TOX3: variants seen among roughly 807,000 people sequenced by gnomAD.
TOX3 encodes the protein CAG trinucleotide repeat-containing gene F9 protein.
In TOX3, 22 loss-of-function variants were observed where a neutral mutation model predicts 64.3. The observed-to-expected ratio is 0.34, with a 90% CI of 0.24 to 0.49. TOX3 has a LOEUF of 0.49. Ranked by LOEUF, TOX3 falls within the 20% of genes least tolerant of loss-of-function variation. The probability of loss-of-function intolerance (pLI) is 0.99; values close to 1 mark genes in which losing one functional copy is unlikely to be tolerated. For missense variants in TOX3, 661 were observed against 714.4 expected, an observed-to-expected ratio of 0.93 and a Z score of 0.85; for synonymous variants, 291 against 273.6, an observed-to-expected ratio of 1.06 and a Z score of -0.63.
At chr16:52,465,488 T>C in intron 2 of TOX3, among the ~76,000 whole-genome samples, 1 of 147,796 alleles carries the variant, frequency 6.8e-6, no homozygotes, top group Non-Finnish European at 1.5e-5. Flanking sequence ...TTTTTTTTTT[T>C]TGGTCAGGTG....
intron 1 of TOX3, among the ~76,000 whole-genome samples, chr16:52,515,473 G>A (rs1362906702): frequency 6.6e-6 from 1 of 152,156 alleles, no homozygotes; most frequent in Non-Finnish European, 1.5e-5. Context: ...ATCATGCTTT[G>A]ACACTTAGAA....
At chr16:52,516,063 A>G (rs1246259806) in intron 1 of TOX3, among the ~76,000 whole-genome samples, 4 of 152,140 alleles carry the variant, frequency 2.6e-5, no homozygotes, top group Admixed American at 1.3e-4. Context: ...AATCAATCAC[A>G]TATTACAGAA....
intron 1 of TOX3, among the ~76,000 whole-genome samples, chr16:52,484,569 T>A (rs1333263667): frequency 6.6e-6 from 1 of 152,230 alleles, no homozygotes; most frequent in Admixed American, 6.5e-5. Context: ...TTGATTCATT[T>A]ACTCATTCTT....
intron 4 of TOX3, among the ~76,000 whole-genome samples, chr16:52,447,488 A>C (rs970856865): frequency 4.6e-5 from 7 of 152,196 alleles, no homozygotes; most frequent in African/African-American, 1.7e-4. Flanking sequence ...CTGAACACTC[A>C]AAGTGTTAAG....
At chr16:52,523,769 C>A (rs558933279) in intron 1 of TOX3, among the ~76,000 whole-genome samples, 30 of 152,048 alleles carry the variant, frequency 2.0e-4, no homozygotes, top group Admixed American at 1.6e-3. Flanking sequence ...CATAAAAGAA[C>A]CCTGAATTCC....
Position 52,439,191 on chromosome 16 carries a change from T to C in TOX3, c.*34A>G. On this transcript the variant is annotated 3_prime_UTR_variant, in exon 7 of 7. Transcript: ENST00000219746. ...GCTTTTCCCTCCTATGCCACTCTCC[T>C]TGGTATACGCAAATCCGTCTGCCAT... 5.6e-6 allele frequency: 9 copies of C among 1,613,462 alleles called. No individual in the cohort carries two copies. The highest frequency in any genetic ancestry group is 7.6e-6 in the Non-Finnish European group (9 of 1,179,690).
chr16:52,446,200 C>T lies in TOX3; in HGVS notation c.700G>A (p.Ala234Thr), dbSNP rs1960157267. The change falls in exon 5 of 7, where the codon GCT becomes ACT. Residue 234 changes from alanine (A) to threonine (T), a missense_variant. By Grantham distance (58) the Ala-to-Thr change is moderately conservative (BLOSUM62 0). Coordinates refer to ENST00000219746, the MANE Select transcript of TOX3 (RefSeq NM_001080430.4). ...ANRAIGEKRA[A>T]PDSGKKPKTP... Reference sequence around the variant, plus strand: ...TTGGGCTTCTTGCCAGAGTCTGGAGCAGCTCTTTTCTCTCCAATGGCCTGC... The same window carrying T: ...TTGGGCTTCTTGCCAGAGTCTGGAGTAGCTCTTTTCTCTCCAATGGCCTGC... 3 of 1,613,340 alleles carry T rather than the reference C, an allele frequency of 1.9e-6. No individual in the cohort carries two copies. Among genetic ancestry groups the T allele is most frequent in the Admixed American group, 3.3e-5 (2 of 59,916 alleles).
At chr16:52,451,689 T>G (rs991770280) in intron 3 of TOX3, among the ~76,000 whole-genome samples, 1 of 152,230 alleles carries the variant, frequency 6.6e-6, no homozygotes, top group Non-Finnish European at 1.5e-5. Context: ...TGTAAATAAC[T>G]AAATTGGAGC....
At chr16:52,452,732 T>G (rs1960390447) in intron 3 of TOX3, among the ~76,000 whole-genome samples, 1 of 152,082 alleles carries the variant, frequency 6.6e-6, no homozygotes, top group South Asian at 2.1e-4. Context: ...TAAAACACTT[T>G]AATCAGAAAA....
intron 1 of TOX3, among the ~76,000 whole-genome samples, chr16:52,471,476 C>T (rs1961044480): frequency 6.6e-6 from 1 of 152,130 alleles, no homozygotes; most frequent in Non-Finnish European, 1.5e-5. Flanking sequence ...ATTAAATTTA[C>T]TTTATGTTCT....
At chr16:52,541,235 A>C (rs892595050) in intron 1 of TOX3, among the ~76,000 whole-genome samples, 5 of 152,166 alleles carry the variant, frequency 3.3e-5, no homozygotes, top group Non-Finnish European at 7.3e-5. Context: ...ATTATTTTTT[A>C]CCATCTCAGC....
At chr16:52,470,658 G>A (rs780138045) in intron 1 of TOX3, among the ~76,000 whole-genome samples, 1 of 152,154 alleles carries the variant, frequency 6.6e-6, no homozygotes, top group Non-Finnish European at 1.5e-5. Context: ...CCATTAATTA[G>A]TATTTGCCCT....
chr16:52,546,820 G>C lies in TOX3; in HGVS notation c.-97C>G, dbSNP rs1457522779. On this transcript the variant is annotated 5_prime_UTR_variant, in exon 1 of 7. Transcript: ENST00000219746. Reference sequence around the variant, plus strand: ...GCTAGATCCACCGTCGAGGGCGCCCGGGGGTGGCGCGTGGGACTCGCGGCC... The same window carrying C: ...GCTAGATCCACCGTCGAGGGCGCCCCGGGGTGGCGCGTGGGACTCGCGGCC... 4 of 1,274,940 alleles carry C rather than the reference G, an allele frequency of 3.1e-6. No individual in the cohort carries two copies. The highest frequency in any genetic ancestry group is 2.0e-6 in the Non-Finnish European group (2 of 1,011,458). The allele number at this position is 1,274,940 out of a possible 1,614,324, so 79.0% of individuals were successfully genotyped here. A position where few individuals can be genotyped will look rare whatever the true frequency, so the allele number is the denominator to read the frequency against.
rs1303952054 is a variant in TOX3 at position 52,464,193 on chromosome 16, A to G, written c.154-5T>C. 3 of 1,500,206 alleles carry G rather than the reference A, an allele frequency of 2.0e-6. No homozygotes were observed. Among genetic ancestry groups the G allele is most frequent in the Non-Finnish European group, 2.7e-6 (3 of 1,122,272 alleles). 92.9% of individuals were successfully genotyped at this position (1,500,206 alleles called of 1,614,324 possible). On this transcript the variant is annotated splice_region_variant and splice_polypyrimidine_tract_variant and intron_variant, in intron 2 of 6. Transcript: ENST00000219746. ...GCTTGGTGTGTGGAATGTCTGCTAA[A>G]AGGAAACAAAATACAGGTATCTTCA...
chr16:52,471,029 G>GCATA (rs1486257855), intron 1 of TOX3, among the ~76,000 whole-genome samples: 2 of 152,144 alleles, frequency 1.3e-5, no homozygotes, highest in African/African-American at 4.8e-5. Context: ...ATAGGTACCT[G>GCATA]GGACCCTAGT....
intron 1 of TOX3, among the ~76,000 whole-genome samples, chr16:52,515,767 A>G (rs561204277): frequency 5.7e-4 from 87 of 152,310 alleles, no homozygotes; most frequent in African/African-American, 2.0e-3. Context: ...TCGTTTCTTT[A>G]CTTCCTTTTT....
rs907506351 is a variant in TOX3, at chr16:52,437,839, C to T, written c.*1386G>A. On this transcript the variant is annotated 3_prime_UTR_variant, in exon 7 of 7. Coordinates refer to ENST00000219746, the MANE Select transcript of TOX3 (RefSeq NM_001080430.4). ...GACAATTACACAAATATTTCCAATG[C>T]GTTGTTTTGGTTTTTTCAAGGATCT... 7.0e-6 allele frequency among the ~76,000 whole-genome samples: 1 copy of T among 143,272 alleles called. No homozygotes were observed. Among genetic ancestry groups the T allele is most frequent in the African/African-American group, 2.6e-5 (1 of 39,066 alleles). 94.0% of individuals were successfully genotyped at this position (143,272 alleles called of 152,430 possible). A position where few individuals can be genotyped will look rare whatever the true frequency, so the allele number is the denominator to read the frequency against.
At chr16:52,497,976 A>G (rs1391222658) in intron 1 of TOX3, among the ~76,000 whole-genome samples, 1 of 152,214 alleles carries the variant, frequency 6.6e-6, no homozygotes, top group Non-Finnish European at 1.5e-5. Flanking sequence ...CCAGAGGATG[A>G]TGCGATCTAC....
At position 52,536,460 on chromosome 16, in the gene TOX3, T is replaced by A. The variant is rs187573781; in HGVS notation, c.87+10177A>T. Reference sequence around the variant, plus strand: ...AAGATGGGATGAAGGCTGGTACCGTTAAAACACATAAAGCGAGGGTAGAGG... The same window carrying A: ...AAGATGGGATGAAGGCTGGTACCGTAAAAACACATAAAGCGAGGGTAGAGG... On this transcript the variant is annotated intron_variant, in intron 1 of 6. Transcript: ENST00000219746. 8.4e-4 allele frequency among the ~76,000 whole-genome samples: 126 copies of A among 150,666 alleles called. 1 individual carries two copies. The highest frequency in any genetic ancestry group is 2.9e-3 in the African/African-American group (118 of 40,932).
Sources: gnomAD v4.1 joint callset for allele counts (sites outside exome capture counted in the v4.1 genomes callset) on GRCh38, gnomAD v4.1.1 for gene constraint, MANE v1.5 for transcripts, NCBI Gene and HGNC (gene_info 2026-07-23, HGNC 2026-07-21) for gene names.